PRKCB: variants seen among roughly 807,000 people sequenced by gnomAD.
PRKCB encodes the protein protein kinase C beta type.
A neutral mutation model predicts 81.5 loss-of-function variants in PRKCB; 13 were observed. The observed-to-expected ratio is 0.16, with a 90% CI of 0.10 to 0.25. PRKCB has a LOEUF of 0.25. Among genes scored for constraint, PRKCB ranks in the 10% least tolerant of loss-of-function variants. The pLI is 1.00. For synonymous variants in PRKCB, 335 were observed against 321.4 expected (o/e 1.04, Z -0.45); for missense variants, 509 against 875.7 (o/e 0.58, Z 5.29).
chr16:24,153,479 G>C (rs1395137126), intron 9 of PRKCB, among the ~76,000 whole-genome samples: 1 of 152,198 alleles, frequency 6.6e-6, no homozygotes, highest in Non-Finnish European at 1.5e-5. Context: ...ACTTCAATCT[G>C]ATTCTTTCTT....
chr16:24,193,761 A>G (rs1031143249), intron 16 of PRKCB, among the ~76,000 whole-genome samples: 7 of 152,138 alleles, frequency 4.6e-5, no homozygotes, highest in Admixed American at 2.0e-4. Flanking sequence ...GTGAGATAGA[A>G]GAGAAAGTGT....
In PRKCB at chr16:23,988,491, G is replaced by A. The variant is rs1596500418; in HGVS notation, c.206-17G>A. On this transcript the variant is annotated splice_polypyrimidine_tract_variant and intron_variant, in intron 2 of 16. Transcript: ENST00000643927. ...TTCCTTCTTCCCTTCCTCCCACCCT[G>A]ATTTTCTCTTTTGCAGTTTGCTGCT... 6.2e-7 allele frequency: 1 copy of A among 1,611,616 alleles called. No homozygotes were observed. Among genetic ancestry groups the A allele is most frequent in the Non-Finnish European group, 8.5e-7 (1 of 1,178,000 alleles).
chr16:24,071,336 G>A (rs563280664), intron 5 of PRKCB, among the ~76,000 whole-genome samples: 1 of 151,298 alleles, frequency 6.6e-6, no homozygotes, highest in Admixed American at 6.6e-5. Flanking sequence ...GGGCACGATG[G>A]CTGACGTCTG....
intron 5 of PRKCB, among the ~76,000 whole-genome samples, chr16:24,063,835 T>A (rs1214084559): frequency 6.6e-6 from 1 of 152,212 alleles, no homozygotes; most frequent in African/African-American, 2.4e-5. Context: ...ATTTATGGCA[T>A]CACTGTTTGT....
At chr16:23,855,856 A>C (rs914375392) in intron 2 of PRKCB, among the ~76,000 whole-genome samples, 1 of 152,222 alleles carries the variant, frequency 6.6e-6, no homozygotes, top group East Asian at 1.9e-4. Flanking sequence ...TGGGCAAAGC[A>C]GCTCCCTTCT....
At chr16:23,976,838 T>C (rs1350133635) in intron 2 of PRKCB, among the ~76,000 whole-genome samples, 1 of 152,224 alleles carries the variant, frequency 6.6e-6, no homozygotes, top group African/African-American at 2.4e-5. Context: ...GCAGGTGTTC[T>C]GCTCAGGGTC....
At position 24,154,421 on chromosome 16, in the gene PRKCB, C is replaced by T. The variant is rs75577703; in HGVS notation, c.1066-263C>T. ...ATCACTGAGCCCAGGATTTCGAGTC[C>T]GCAGTGAGCTATGATCATGTTACTA... On this transcript the variant is annotated intron_variant, in intron 9 of 16. Transcript: ENST00000643927. Among the ~76,000 whole-genome samples, 1,094 of 152,238 alleles carry T rather than the reference C, an allele frequency of 7.2e-3. 9 individuals carry two copies. The highest frequency in any genetic ancestry group is 0.024 in the African/African-American group (1,016 of 41,536).
chr16:24,197,136 C>T (rs1258005565), intron 16 of PRKCB, among the ~76,000 whole-genome samples: 2 of 152,184 alleles, frequency 1.3e-5, no homozygotes, highest in African/African-American at 4.8e-5. Flanking sequence ...AAATAATTAA[C>T]ATCCCTGCCT....
At chr16:23,847,593 C>T (rs1014518689) in intron 2 of PRKCB, among the ~76,000 whole-genome samples, 5 of 138,444 alleles carry the variant, frequency 3.6e-5, no homozygotes, top group Non-Finnish European at 7.6e-5. Flanking sequence ...GCTATCCAAC[C>T]GTTTTTCCAT....
At chr16:24,021,603 C>T (rs1965405601) in intron 3 of PRKCB, among the ~76,000 whole-genome samples, 1 of 151,912 alleles carries the variant, frequency 6.6e-6, no homozygotes, top group South Asian at 2.1e-4. Context: ...GTGGGAGACT[C>T]TCTGGGGAGG....
Position 24,108,163 on chromosome 16 carries a change from T to A in PRKCB, c.822-4810T>A, listed in dbSNP as rs1358087823. Reference sequence around the variant, plus strand: ...TTTCCTTGATTTCCATTTGTTTATTTTTTTTTCTTTTTTTTTTTATTGGAA... The same window carrying A: ...TTTCCTTGATTTCCATTTGTTTATTATTTTTTCTTTTTTTTTTTATTGGAA... On this transcript the variant is annotated intron_variant, in intron 7 of 16. Transcript: ENST00000643927. 2.8e-5 allele frequency among the ~76,000 whole-genome samples: 4 copies of A among 141,470 alleles called. 1 individual carries two copies. The highest frequency in any genetic ancestry group is 3.0e-5 in the Non-Finnish European group (2 of 66,150). 92.8% of individuals were successfully genotyped at this position (141,470 alleles called of 152,430 possible).
chr16:23,924,217 C>T (rs1963866061), intron 2 of PRKCB, among the ~76,000 whole-genome samples: 1 of 152,092 alleles, frequency 6.6e-6, no homozygotes, highest in East Asian at 1.9e-4. Context: ...ACTCTTCTCT[C>T]TCCCGTAGCC....
intron 2 of PRKCB, among the ~76,000 whole-genome samples, chr16:23,910,263 C>T (rs977019376): frequency 2.6e-5 from 4 of 152,152 alleles, no homozygotes; most frequent in Admixed American, 2.0e-4. Flanking sequence ...ACATAGAAGG[C>T]GGCCATCAAC....
intron 2 of PRKCB, among the ~76,000 whole-genome samples, chr16:23,981,908 CCCCTTCCCCTT>C (rs1964724897): frequency 1.8e-4 from 1 of 5,662 alleles, no homozygotes; most frequent in Non-Finnish European, 3.0e-4. Flanking sequence ...CCCTTCCCTT[CCCCTTCCCCTT>C]CCCTTCCCTT....
intron 2 of PRKCB, among the ~76,000 whole-genome samples, chr16:23,844,883 C>T (rs1039182113): frequency 1.3e-5 from 2 of 149,304 alleles, no homozygotes; most frequent in Admixed American, 1.3e-4. Context: ...TTCACTGTAA[C>T]CTCCGCCTCC....
chr16:23,873,389 A>G (rs1347243470), intron 2 of PRKCB, among the ~76,000 whole-genome samples: 1 of 151,632 alleles, frequency 6.6e-6, no homozygotes, highest in South Asian at 2.1e-4. Context: ...AAAAGAGAGA[A>G]AAAAGAAAAA....
At chr16:23,855,446 A>G (rs117993816) in intron 2 of PRKCB, among the ~76,000 whole-genome samples, 51 of 152,350 alleles carry the variant, frequency 3.3e-4, no homozygotes, top group Non-Finnish European at 6.3e-4. Flanking sequence ...AAAACCACAA[A>G]CAAACAAAAA....
intron 3 of PRKCB, among the ~76,000 whole-genome samples, chr16:24,021,016 C>CTT (rs1313837163): frequency 7.2e-6 from 1 of 139,820 alleles, no homozygotes; most frequent in Non-Finnish European, 1.5e-5. Flanking sequence ...TTCTTTCTTT[C>CTT]TTTCTTTCTT....
At chr16:24,006,840 G>C (rs371213133) in intron 3 of PRKCB, among the ~76,000 whole-genome samples, 25 of 137,994 alleles carry the variant, frequency 1.8e-4, no homozygotes, top group African/African-American at 8.1e-4. Context: ...GGAGCAGGGG[G>C]TGGGGAGGGG....
Sources: allele counts gnomAD v4.1 joint callset (sites outside exome capture counted in the v4.1 genomes callset), GRCh38; gene constraint gnomAD v4.1.1; transcripts MANE v1.5; gene names NCBI Gene and HGNC (gene_info 2026-07-23, HGNC 2026-07-21).